RAB3GAP2: variants seen among roughly 807,000 people sequenced by gnomAD.
RAB3GAP2 encodes rab3 GTPase-activating protein non-catalytic subunit.
In RAB3GAP2, 87 loss-of-function variants were observed where a neutral mutation model predicts 185.3. The ratio of observed to expected loss-of-function variants is 0.47; its 90% confidence interval spans 0.39 to 0.56. The LOEUF (loss-of-function observed/expected upper bound fraction) is 0.56, where lower values mean the gene tolerates loss of function less well. Among genes scored for constraint, RAB3GAP2 ranks in the 20% least tolerant of loss-of-function variants. The probability of loss-of-function intolerance (pLI) is 0.00; values close to 1 mark genes in which losing one functional copy is unlikely to be tolerated. For missense variants in RAB3GAP2, 1,492 were observed against 1,638.2 expected (o/e 0.91, Z 1.54); for synonymous variants, 554 against 576.1 (o/e 0.96, Z 0.55).
At chr1:220,223,535 C>T (rs896099809) in intron 2 of RAB3GAP2, among the ~76,000 whole-genome samples, 1 of 152,068 alleles carries the variant, frequency 6.6e-6, no homozygotes, top group Non-Finnish European at 1.5e-5. Flanking sequence ...TGGCATTTTA[C>T]GTTGATCTGG....
At chr1:220,269,115 A>G (rs1297504296) in intron 1 of RAB3GAP2, among the ~76,000 whole-genome samples, 3 of 152,194 alleles carry the variant, frequency 2.0e-5, no homozygotes, top group Non-Finnish European at 4.4e-5. Context: ...ACTACTTTAG[A>G]TCTAGATCAG....
At position 220,167,245 on chromosome 1, in the gene RAB3GAP2, A is replaced by G. The variant is rs758595333; in HGVS notation, c.3087+48T>C. The G allele has an allele frequency of 4.6e-6, 7 of 1,517,976 alleles. No individual in the cohort carries two copies. The African/African-American group carries it at 5.5e-5, about 12-fold the overall frequency. The allele number at this position is 1,517,976 out of a possible 1,614,324, so 94.0% of individuals were successfully genotyped here. The stretch of plus-strand genomic sequence containing the variant: ...TAGACGGTCCCCATATATGAATAGC[A>G]TGAACACAGAAGCAGAAATAACATG... On this transcript the variant is annotated intron_variant, in intron 26 of 34. Transcript: ENST00000358951.
At chr1:220,171,749 T>A in intron 23 of RAB3GAP2, 140 bp downstream of exon 23, 1 of 900,438 alleles carries the variant, frequency 1.1e-6, no homozygotes, top group East Asian at 2.5e-5. Context: ...CACGGCATCA[T>A]TCTCAATAAA....
Position 220,149,578 on chromosome 1 carries a change from C to T in RAB3GAP2, c.*1673G>A, listed in dbSNP as rs1347756958. 2 of 152,162 alleles carry T rather than the reference C, an allele frequency of 1.3e-5. No individual in the cohort carries two copies. Among genetic ancestry groups the T allele is most frequent in the East Asian group, 3.9e-4 (2 of 5,194 alleles). 9.4% of individuals were successfully genotyped at this position (152,162 alleles called of 1,614,324 possible). A position where few individuals can be genotyped will look rare whatever the true frequency, so the allele number is the denominator to read the frequency against. On this transcript the variant is annotated 3_prime_UTR_variant, in exon 35 of 35. Transcript: ENST00000358951. ...AACATATAACAAGTGACTGTTAACA[C>T]AGAGCCAGATATGTTTACAAGAATT...
chr1:220,188,455 G>C (rs12025326), intron 17 of RAB3GAP2, among the ~76,000 whole-genome samples: 7,486 of 152,214 alleles, frequency 0.049, 212 homozygotes, highest in African/African-American at 0.077. Flanking sequence ...GCATTATGAG[G>C]GGTTTGGATA....
intron 31 of RAB3GAP2, among the ~76,000 whole-genome samples, chr1:220,155,891 T>A (rs779404002): frequency 2.0e-5 from 3 of 152,212 alleles, no homozygotes; most frequent in Non-Finnish European, 4.4e-5. Flanking sequence ...TTCTCTTTTT[T>A]AACTTTTAAG....
At chr1:220,189,623 G>A (rs1658574692) in intron 17 of RAB3GAP2, 80 bp downstream of exon 17, 3 of 1,368,314 alleles carry the variant, frequency 2.2e-6, no homozygotes, top group African/African-American at 1.5e-5. Context: ...ATGTTTGGGG[G>A]AAATAGGAAA....
At chr1:220,160,303 C>T (rs1285010178) in intron 28 of RAB3GAP2, among the ~76,000 whole-genome samples, 2 of 152,182 alleles carry the variant, frequency 1.3e-5, no homozygotes, top group African/African-American at 4.8e-5. Context: ...TCACAGGAGA[C>T]ATTGGAGAAA....
At chr1:220,200,046 A>T (rs1287557331) in intron 9 of RAB3GAP2, among the ~76,000 whole-genome samples, 1 of 152,172 alleles carries the variant, frequency 6.6e-6, no homozygotes, top group African/African-American at 2.4e-5. Flanking sequence ...TCCCTACGTG[A>T]TCTAACCCCA....
At chr1:220,216,359 A>C (rs1008814029) in intron 2 of RAB3GAP2, among the ~76,000 whole-genome samples, 1 of 152,224 alleles carries the variant, frequency 6.6e-6, no homozygotes, top group Non-Finnish European at 1.5e-5. Context: ...TATCCCCCAA[A>C]GATAAAAGTT....
At chr1:220,263,971 CTAT>C (rs1365760072) in intron 1 of RAB3GAP2, among the ~76,000 whole-genome samples, 2 of 151,602 alleles carry the variant, frequency 1.3e-5, no homozygotes, top group East Asian at 2.0e-4. Flanking sequence ...AAACATAAAA[CTAT>C]TATTACTTTT....
intron 2 of RAB3GAP2, among the ~76,000 whole-genome samples, chr1:220,217,554 C>T (rs1343141012): frequency 6.6e-6 from 1 of 152,054 alleles, no homozygotes; most frequent in African/African-American, 2.4e-5. Context: ...TATTCTGTGA[C>T]TGCATTTCTC....
chr1:220,253,521 C>T, intron 1 of RAB3GAP2: 10 of 1,340,490 alleles, frequency 7.5e-6, no homozygotes, highest in East Asian at 2.5e-5. Flanking sequence ...GAGTAGGGGG[C>T]GGTAGTCGGG....
chr1:220,176,571 C>T (rs1213661021), intron 21 of RAB3GAP2, among the ~76,000 whole-genome samples: 1 of 152,162 alleles, frequency 6.6e-6, no homozygotes, highest in South Asian at 2.1e-4. Context: ...CTAGTCTGCC[C>T]GCTAGCACTG....
chr1:220,163,740 C>CATATATATAT (rs1274317823), intron 27 of RAB3GAP2, among the ~76,000 whole-genome samples: 186 of 90,078 alleles, frequency 2.1e-3, no homozygotes, highest in Admixed American at 3.0e-3. Flanking sequence ...TATATAAATA[C>CATATATATAT]ATACATATAT....
Position 220,171,031 on chromosome 1 carries a change from AAGG to A in RAB3GAP2, c.2664_2666del (p.Leu890del), listed in dbSNP as rs1658164992. 4 of 1,614,018 alleles carry A rather than the reference AAGG, an allele frequency of 2.5e-6. No individual in the cohort carries two copies. The highest frequency in any genetic ancestry group is 2.5e-6 in the Non-Finnish European group (3 of 1,180,006). ...TGAGACAATCCTCCAGCTGTTTCAGAAGGAGTTTCCAGTACTCAGTGTCAAGAG... is the reference window on the plus strand; with the variant it reads ...TGAGACAATCCTCCAGCTGTTTCAGAAGTTTCCAGTACTCAGTGTCAAGAG... On this transcript the variant is annotated inframe_deletion, in exon 24 of 35. Coordinates refer to ENST00000358951, the MANE Select transcript of RAB3GAP2 (RefSeq NM_012414.4).
intron 32 of RAB3GAP2, 179 bp downstream of exon 32, chr1:220,153,788 TC>T: frequency 1.4e-6 from 1 of 737,636 alleles, no homozygotes; most frequent in Non-Finnish European, 2.1e-6. Context: ...TGTGTGATGT[TC>T]CCCACCCTGT....
chr1:220,182,443 GA>G, intron 20 of RAB3GAP2, 89 bp from the exon 21 acceptor site: 1 of 1,571,634 alleles, frequency 6.4e-7, no homozygotes, highest in Non-Finnish European at 8.6e-7. Context: ...GAATTCCAGA[GA>G]AACAAAACAT....
In RAB3GAP2 at chr1:220,191,069, T is replaced by C; in HGVS notation, c.1486A>G (p.Arg496Gly). The C allele has an allele frequency of 2.5e-6, 4 of 1,612,376 alleles. No homozygotes were observed. Among genetic ancestry groups the C allele is most frequent in the Non-Finnish European group, 3.4e-6 (4 of 1,178,804 alleles). Residue 496 changes from arginine (R) to glycine (G), a missense_variant and splice_region_variant, in exon 14 of 35, where the codon AGG (arginine) becomes GGG (glycine). Around this residue, in one of 5 missense-constraint regions of RAB3GAP2, gnomAD observed 681 missense variants for 689.1 expected, o/e 0.99. Coordinates refer to ENST00000358951, the MANE Select transcript of RAB3GAP2 (RefSeq NM_012414.4). ...VGAFNVGKHC[R>G]LLYPGYKIMG... ...ACAATGCCAGCATTTGCAGCTTACCTGCAGTGCTTCCCCACATTGAAAGCT... is the reference window on the plus strand; with the variant it reads ...ACAATGCCAGCATTTGCAGCTTACCCGCAGTGCTTCCCCACATTGAAAGCT...
Sources: allele counts gnomAD v4.1 joint callset (sites outside exome capture counted in the v4.1 genomes callset), GRCh38; gene constraint gnomAD v4.1.1; regional missense constraint gnomAD v4.1.1; transcripts MANE v1.5; gene names NCBI Gene and HGNC (gene_info 2026-07-23, HGNC 2026-07-21).